The following ABCB5 variants were observed in gnomAD, a reference collection of about 807,000 sequenced individuals.
ABCB5 encodes the protein ATP binding cassette subfamily B member 5.
Under a neutral mutation model 144.2 loss-of-function variants are expected in ABCB5, and 155 were observed. The ratio of observed to expected loss-of-function variants is 1.08; its 90% CI spans 0.94 to 1.23. The LOEUF (loss-of-function observed/expected upper bound fraction) is 1.23, where lower values mean the gene tolerates loss of function less well. Among genes scored for constraint, ABCB5 ranks in the 50% most tolerant of loss-of-function variants. ABCB5 has a pLI of 0.00. For missense variants in ABCB5, 1,830 were observed against 1,520.8 expected, an observed-to-expected ratio of 1.20 and a Z score of -3.38; for synonymous variants, 610 against 528.6, an observed-to-expected ratio of 1.15 and a Z score of -2.11.
At chr7:20,638,990 G>T (rs1784225555) in intron 5 of ABCB5, among the ~76,000 whole-genome samples, 1 of 152,140 alleles carries the variant, frequency 6.6e-6, no homozygotes, top group South Asian at 2.1e-4. Context: ...GTGTCTGAGG[G>T]TTCCAGTTTC....
Position 20,628,757 on chromosome 7 carries a change from GC to G in ABCB5, c.180del (p.Cys61AlafsTer4). ...TATACTGGCATCACTGGTCAATGGAGCCTGCCTTCCTTTAATGCCACTGGTT... is the reference window on the plus strand; with the variant it reads ...TATACTGGCATCACTGGTCAATGGAGCTGCCTTCCTTTAATGCCACTGGTT... The part of the protein sequence containing the change: ...LGILASLVNG[A>X]CLPLMPLVLG... On this transcript the variant is annotated frameshift_variant, in exon 4 of 28. Coordinates refer to ENST00000404938, the MANE Select transcript of ABCB5 (RefSeq NM_001163941.2). LOFTEE classifies it high-confidence loss of function. 1 of 1,613,628 alleles carries G rather than the reference GC, an allele frequency of 6.2e-7. No individual in the cohort carries two copies. Among genetic ancestry groups the G allele is most frequent in the Non-Finnish European group, 8.5e-7 (1 of 1,179,782 alleles).
intron 5 of ABCB5, among the ~76,000 whole-genome samples, chr7:20,640,050 G>A (rs1017655594): frequency 6.6e-6 from 1 of 151,882 alleles, no homozygotes; most frequent in African/African-American, 2.4e-5. Flanking sequence ...GTGGTTTTCA[G>A]TGTATTCATC....
At chr7:20,623,821 A>G (rs968240823) in intron 2 of ABCB5, among the ~76,000 whole-genome samples, 4 of 152,228 alleles carry the variant, frequency 2.6e-5, no homozygotes, top group South Asian at 4.1e-4. Flanking sequence ...ATAGTTTTAC[A>G]TCTATTTTAT....
At chr7:20,677,225 A>G (rs914968247) in intron 14 of ABCB5, among the ~76,000 whole-genome samples, 1 of 152,198 alleles carries the variant, frequency 6.6e-6, no homozygotes, top group African/African-American at 2.4e-5. Flanking sequence ...GATCCCAGTC[A>G]TATTATCTCA....
intron 19 of ABCB5, among the ~76,000 whole-genome samples, chr7:20,700,685 G>T (rs1173603309): frequency 6.6e-6 from 1 of 152,166 alleles, no homozygotes; most frequent in East Asian, 1.9e-4. Context: ...CTAAAAATAG[G>T]TGGATCAAGT....
At chr7:20,690,550 C>G (rs1786183558) in intron 16 of ABCB5, among the ~76,000 whole-genome samples, 1 of 152,154 alleles carries the variant, frequency 6.6e-6, no homozygotes, top group African/African-American at 2.4e-5. Flanking sequence ...CAGAAGGGCA[C>G]ATGGTCTGAT....
At chr7:20,745,558 C>A in intron 26 of ABCB5, 120 bp downstream of exon 26, 3 of 970,378 alleles carry the variant, frequency 3.1e-6, no homozygotes, top group Non-Finnish European at 4.5e-6. Flanking sequence ...TTGCCAGAAT[C>A]TAAAGTTAGA....
intron 9 of ABCB5, chr7:20,647,312 G>C: frequency 7.8e-6 from 10 of 1,288,974 alleles, no homozygotes; most frequent in Non-Finnish European, 8.8e-6. Flanking sequence ...TTAGGAAAAG[G>C]CCAAGGATAC....
intron 16 of ABCB5, among the ~76,000 whole-genome samples, chr7:20,692,221 G>C (rs1453168088): frequency 6.6e-6 from 1 of 151,872 alleles, no homozygotes; most frequent in Non-Finnish European, 1.5e-5. Context: ...ATGTTAAGGA[G>C]AAAACTACTA....
At chr7:20,651,085 C>G (rs1315960148) in intron 12 of ABCB5, among the ~76,000 whole-genome samples, 1 of 152,104 alleles carries the variant, frequency 6.6e-6, no homozygotes, top group Non-Finnish European at 1.5e-5. Flanking sequence ...GGGTCACATC[C>G]AAAACTGAAG....
chr7:20,643,984 T>C (rs1006235090), intron 7 of ABCB5, among the ~76,000 whole-genome samples: 75 of 152,170 alleles, frequency 4.9e-4, no homozygotes, highest in Admixed American at 5.9e-4. Flanking sequence ...AATTCACAGA[T>C]CAACATGGTA....
chr7:20,726,044 G>C (rs1782025121), intron 21 of ABCB5, among the ~76,000 whole-genome samples: 1 of 152,132 alleles, frequency 6.6e-6, no homozygotes, highest in African/African-American at 2.4e-5. Flanking sequence ...AAAACAGGAA[G>C]TTTCTCTTTC....
At chr7:20,725,686 A>G (rs1782013652) in intron 21 of ABCB5, among the ~76,000 whole-genome samples, 1 of 152,128 alleles carries the variant, frequency 6.6e-6, no homozygotes, top group African/African-American at 2.4e-5. Context: ...AAAATTGGAG[A>G]TTTTTTTAAT....
At chr7:20,705,310 A>G (rs1786785153) in intron 20 of ABCB5, among the ~76,000 whole-genome samples, 1 of 152,246 alleles carries the variant, frequency 6.6e-6, no homozygotes, top group East Asian at 1.9e-4. Flanking sequence ...ATGCATAACC[A>G]AGATATTTGT....
intron 3 of ABCB5, among the ~76,000 whole-genome samples, chr7:20,627,592 T>C (rs1429602832): frequency 2.0e-5 from 3 of 152,160 alleles, no homozygotes; most frequent in African/African-American, 7.2e-5. Flanking sequence ...GGGGACCTAC[T>C]ACAGAATAGA....
intron 20 of ABCB5, among the ~76,000 whole-genome samples, chr7:20,717,556 C>T (rs1781716540): frequency 6.6e-6 from 1 of 151,670 alleles, no homozygotes; most frequent in Non-Finnish European, 1.5e-5. Flanking sequence ...GATTCTCCTG[C>T]CTCAGCGTCC....
At chr7:20,647,701 CA>C in intron 10 of ABCB5, 53 bp downstream of exon 10, 1 of 1,526,402 alleles carries the variant, frequency 6.6e-7, no homozygotes, top group Non-Finnish European at 8.8e-7. Context: ...AAGAAGGAGA[CA>C]AAAAAACATA....
At chr7:20,693,156 C>A (rs368551690) in intron 16 of ABCB5, among the ~76,000 whole-genome samples, 1 of 151,864 alleles carries the variant, frequency 6.6e-6, no homozygotes, top group East Asian at 1.9e-4. Flanking sequence ...TTTAAAAATT[C>A]ACATAATACC....
intron 20 of ABCB5, among the ~76,000 whole-genome samples, chr7:20,710,418 T>C (rs1049879839): frequency 6.9e-6 from 1 of 144,002 alleles, no homozygotes; most frequent in African/African-American, 2.6e-5. Context: ...AATAAAACTT[T>C]ATTTACAGAC....
Sources: allele counts gnomAD v4.1 joint callset (sites outside exome capture counted in the v4.1 genomes callset), GRCh38; gene constraint gnomAD v4.1.1; transcripts MANE v1.5; gene names NCBI Gene and HGNC (gene_info 2026-07-23, HGNC 2026-07-21).